The following NRG1 variants were observed in gnomAD, a reference collection of about 807,000 sequenced individuals.
NRG1 encodes the protein pro-neuregulin-1, membrane-bound isoform.
A neutral mutation model predicts 63.8 loss-of-function variants in NRG1; 18 were observed. That is an observed-to-expected ratio of 0.28 (90% confidence interval 0.19 to 0.42). The LOEUF is 0.42. Among genes scored for constraint, NRG1 ranks in the 10% least tolerant of loss-of-function variants. The pLI is 1.00. For synonymous variants in NRG1, 302 were observed against 301.3 expected (o/e 1.00, Z -0.02); for missense variants, 762 against 814.7 (o/e 0.94, Z 0.79).
intron 5 of NRG1, among the ~76,000 whole-genome samples, chr8:32,668,906 A>T (rs1317990258): frequency 6.6e-6 from 1 of 152,226 alleles, no homozygotes; most frequent in Non-Finnish European, 1.5e-5. Flanking sequence ...ATCATTTAGT[A>T]ACGGATTTTC....
At chr8:32,216,524 C>T (rs1420235284) in intron 1 of NRG1, among the ~76,000 whole-genome samples, 2 of 149,180 alleles carry the variant, frequency 1.3e-5, no homozygotes, top group African/African-American at 2.4e-5. Context: ...CTAATACATC[C>T]AGTTTAGAAC....
At chr8:32,634,450 T>C (rs952568092) in intron 5 of NRG1, among the ~76,000 whole-genome samples, 1 of 152,204 alleles carries the variant, frequency 6.6e-6, no homozygotes, top group Non-Finnish European at 1.5e-5. Flanking sequence ...TTAAATTATT[T>C]TGATTCATGT....
At chr8:31,739,517 A>C (rs1317266653) in intron 1 of NRG1, among the ~76,000 whole-genome samples, 3 of 152,184 alleles carry the variant, frequency 2.0e-5, no homozygotes, top group South Asian at 4.2e-4. Flanking sequence ...TCTGAAAGGC[A>C]AGCTTTACCG....
At chr8:31,774,019 A>G (rs1489237841) in intron 1 of NRG1, among the ~76,000 whole-genome samples, 1 of 152,114 alleles carries the variant, frequency 6.6e-6, no homozygotes, top group Non-Finnish European at 1.5e-5. Flanking sequence ...AAAATTAAAA[A>G]AAAAAAGAAA....
intron 1 of NRG1, among the ~76,000 whole-genome samples, chr8:32,504,266 C>G (rs1448518509): frequency 6.6e-6 from 1 of 152,130 alleles, no homozygotes; most frequent in Non-Finnish European, 1.5e-5. Flanking sequence ...ACCTGATGGT[C>G]GTCTGACATT....
At chr8:31,703,570 G>A (rs1810840201) in intron 1 of NRG1, among the ~76,000 whole-genome samples, 1 of 152,154 alleles carries the variant, frequency 6.6e-6, no homozygotes, top group Non-Finnish European at 1.5e-5. Flanking sequence ...TTTAAAATGA[G>A]TTACAAATGT....
At chr8:31,743,456 G>A (rs1297253479) in intron 1 of NRG1, among the ~76,000 whole-genome samples, 2 of 151,918 alleles carry the variant, frequency 1.3e-5, no homozygotes, top group Non-Finnish European at 2.9e-5. Flanking sequence ...ACAAGCTCAA[G>A]TACCAAGTGT....
intron 1 of NRG1, among the ~76,000 whole-genome samples, chr8:32,438,542 T>C (rs1002040966): frequency 2.0e-5 from 3 of 152,288 alleles, no homozygotes; most frequent in African/African-American, 7.2e-5. Flanking sequence ...CTGAGATAAA[T>C]GCCTAGGAAT....
intron 1 of NRG1, among the ~76,000 whole-genome samples, chr8:31,760,369 A>G (rs560524440): frequency 1.6e-4 from 24 of 152,282 alleles, no homozygotes; most frequent in Admixed American, 5.9e-4. Flanking sequence ...TAGATATGCT[A>G]CCATTCAGGA....
At chr8:31,861,525 G>T (rs1310643143) in intron 1 of NRG1, among the ~76,000 whole-genome samples, 2 of 152,122 alleles carry the variant, frequency 1.3e-5, no homozygotes, top group Non-Finnish European at 2.9e-5. Context: ...CAATAAAGTT[G>T]TCCACCAATT....
At chr8:32,686,868 TTGGTA>T (rs1354027293) in intron 5 of NRG1, among the ~76,000 whole-genome samples, 1 of 152,110 alleles carries the variant, frequency 6.6e-6, no homozygotes. Flanking sequence ...GACAGATCAT[TTGGTA>T]TTAATGATAC....
At chr8:32,369,447 T>C (rs1472876429) in intron 1 of NRG1, among the ~76,000 whole-genome samples, 1 of 152,242 alleles carries the variant, frequency 6.6e-6, no homozygotes, top group African/African-American at 2.4e-5. Context: ...GTCACTGGGA[T>C]ACTGTTCTCT....
intron 5 of NRG1, among the ~76,000 whole-genome samples, chr8:32,620,521 G>GAA (rs57462564): frequency 4.1e-5 from 5 of 122,190 alleles, no homozygotes; most frequent in South Asian, 2.7e-4. Flanking sequence ...TGGATTAGAA[G>GAA]AAAAAAAAAA....
rs1026785317 is a variant in NRG1 at position 32,668,365 on chromosome 8, A to G, written c.502+51480A>G. Among the ~76,000 whole-genome samples, 18 of 152,284 alleles carry G rather than the reference A, an allele frequency of 1.2e-4. 1 individual carries two copies. The highest frequency in any genetic ancestry group is 3.3e-4 in the Admixed American group (5 of 15,298). On this transcript the variant is annotated intron_variant, in intron 5 of 11. Coordinates refer to ENST00000356819, the Ensembl canonical transcript of NRG1. ...CAGACTATTTTCTCCAACTGAGCTC[A>G]TGGAAGTAACCTAGTTTCTATCACT... is the stretch of plus-strand genomic sequence containing the variant.
chr8:31,852,674 A>G (rs1324752062), intron 1 of NRG1, among the ~76,000 whole-genome samples: 1 of 152,016 alleles, frequency 6.6e-6, no homozygotes, highest in Admixed American at 6.6e-5. Context: ...TTAGACATGA[A>G]GTCCTTGCCC....
chr8:32,114,327 G>A (rs931747506), intron 1 of NRG1, among the ~76,000 whole-genome samples: 37 of 152,212 alleles, frequency 2.4e-4, no homozygotes, highest in Admixed American at 2.3e-3. Context: ...GGACTGGGAG[G>A]AAGTGATGCG....
intron 1 of NRG1, among the ~76,000 whole-genome samples, chr8:32,460,566 C>T (rs1325929728): frequency 6.6e-6 from 1 of 152,192 alleles, no homozygotes; most frequent in Non-Finnish European, 1.5e-5. Context: ...CTTTTGGTTT[C>T]AGGACCTGAT....
intron 1 of NRG1, among the ~76,000 whole-genome samples, chr8:32,190,720 AGT>A (rs1842411863): frequency 1.3e-5 from 2 of 152,278 alleles, no homozygotes; most frequent in South Asian, 4.1e-4. Flanking sequence ...CAACCTAATG[AGT>A]AAGTCTACCA....
At chr8:32,133,946 T>A (rs758723930) in intron 1 of NRG1, among the ~76,000 whole-genome samples, 5 of 152,178 alleles carry the variant, frequency 3.3e-5, no homozygotes, top group Non-Finnish European at 5.9e-5. Context: ...TCAGCCACTT[T>A]TTTTTGGAAA....
Sources: gnomAD v4.1 joint callset for allele counts (sites outside exome capture counted in the v4.1 genomes callset) on GRCh38, gnomAD v4.1.1 for gene constraint, MANE v1.5 for transcripts, NCBI Gene and HGNC (gene_info 2026-07-23, HGNC 2026-07-21) for gene names.